The following VSTM4 variants were observed in gnomAD, a reference collection of about 807,000 sequenced individuals.
The protein encoded by VSTM4 is V-set and transmembrane domain-containing protein 4.
Under a neutral mutation model 36.4 loss-of-function variants are expected in VSTM4, and 20 were observed. The ratio of observed to expected loss-of-function variants is 0.55; its 90% confidence interval spans 0.39 to 0.80. VSTM4 has a LOEUF of 0.80. VSTM4 is among the 30% of genes least tolerant of loss of function. The pLI is 0.00. For missense variants in VSTM4, 392 were observed against 404.5 expected (o/e 0.97, Z 0.26); for synonymous variants, 182 against 173.9 (o/e 1.05, Z -0.37).
chr10:49,025,180 T>C (rs1050166452), intron 7 of VSTM4, among the ~76,000 whole-genome samples: 20 of 152,002 alleles, frequency 1.3e-4, no homozygotes, highest in Non-Finnish European at 1.9e-4. Flanking sequence ...GAGAATAAAG[T>C]CTGTTGTTTT....
At chr10:49,028,810 A>T (rs1843301738) in intron 7 of VSTM4, among the ~76,000 whole-genome samples, 1 of 152,262 alleles carries the variant, frequency 6.6e-6, no homozygotes, top group African/African-American at 2.4e-5. Context: ...CAATTGGGTA[A>T]TACCATTATC....
intron 4 of VSTM4, among the ~76,000 whole-genome samples, chr10:49,074,789 C>A (rs893200711): frequency 6.6e-6 from 1 of 152,220 alleles, no homozygotes; most frequent in Non-Finnish European, 1.5e-5. Context: ...GCAAGGTCAG[C>A]CCCCGATAGC....
chr10:49,081,797 C>T (rs1035903714), intron 3 of VSTM4, among the ~76,000 whole-genome samples: 10 of 152,208 alleles, frequency 6.6e-5, no homozygotes, highest in South Asian at 2.1e-4. Context: ...CACACAAGAC[C>T]GGTCATGGCC....
chr10:49,073,018 CT>C, intron 4 of VSTM4, among the ~76,000 whole-genome samples: 1 of 152,318 alleles, frequency 6.6e-6, no homozygotes, highest in South Asian at 2.1e-4. Flanking sequence ...GGCAACTATT[CT>C]TAGTTATACC....
chr10:49,077,858 T>A (rs1412408998), intron 3 of VSTM4, among the ~76,000 whole-genome samples: 1 of 152,052 alleles, frequency 6.6e-6, no homozygotes, highest in African/African-American at 2.4e-5. Flanking sequence ...TAAACAAACA[T>A]ATAAAGAGGA....
chr10:49,036,169 C>G (rs1417153139), intron 7 of VSTM4, among the ~76,000 whole-genome samples: 1 of 152,162 alleles, frequency 6.6e-6, no homozygotes, highest in Non-Finnish European at 1.5e-5. Flanking sequence ...CTGGAGGAAG[C>G]CATGAAAGCA....
chr10:49,040,530 C>G (rs1202010878), intron 7 of VSTM4, among the ~76,000 whole-genome samples: 1 of 152,182 alleles, frequency 6.6e-6, no homozygotes, highest in East Asian at 1.9e-4. Flanking sequence ...AGGTGATCAG[C>G]CTGCCTCGGC....
At position 49,042,918 on chromosome 10, in the gene VSTM4, G is replaced by C. The variant is rs114130707; in HGVS notation, c.837+4065C>G. Among the ~76,000 whole-genome samples, 862 of 152,298 alleles carry C rather than the reference G, an allele frequency of 5.7e-3. 8 individuals carry two copies. The highest frequency in any genetic ancestry group is 0.02 in the African/African-American group (819 of 41,570). The stretch of plus-strand genomic sequence containing the variant: ...CATGATGTTTGATCAGAGACCACAG[G>C]GGGTGAGTAATAAGCCATGGACAGA... On this transcript the variant is annotated intron_variant, in intron 7 of 7. Coordinates refer to ENST00000332853, the MANE Select transcript of VSTM4 (RefSeq NM_001031746.5).
intron 7 of VSTM4, among the ~76,000 whole-genome samples, chr10:49,032,922 A>T (rs1054911368): frequency 1.3e-5 from 2 of 148,692 alleles, no homozygotes; most frequent in Non-Finnish European, 3.0e-5. Context: ...GGTATGAGAA[A>T]GTGGTCACTC....
intron 5 of VSTM4, among the ~76,000 whole-genome samples, chr10:49,063,239 C>T (rs1843913825): frequency 6.6e-6 from 1 of 152,012 alleles, no homozygotes; most frequent in Non-Finnish European, 1.5e-5. Flanking sequence ...ACTTGAGAGG[C>T]TGAGGCAGGA....
At chr10:49,031,461 A>G (rs1324547295) in intron 7 of VSTM4, among the ~76,000 whole-genome samples, 1 of 152,216 alleles carries the variant, frequency 6.6e-6, no homozygotes, top group African/African-American at 2.4e-5. Flanking sequence ...TATTGCTACT[A>G]TTTACATTAT....
chr10:49,085,099 CTTG>C (rs1250397058), intron 3 of VSTM4, among the ~76,000 whole-genome samples: 1 of 152,256 alleles, frequency 6.6e-6, no homozygotes, highest in Non-Finnish European at 1.5e-5. Flanking sequence ...GCCTGGATGT[CTTG>C]TTAAACCCCG....
intron 2 of VSTM4, among the ~76,000 whole-genome samples, chr10:49,106,833 C>T (rs576978542): frequency 6.6e-6 from 1 of 152,366 alleles, no homozygotes; most frequent in South Asian, 2.1e-4. Flanking sequence ...GGCCTAAAGA[C>T]TCCAACAAAC....
At chr10:49,103,755 A>C (rs1311318563) in intron 2 of VSTM4, 1 of 1,613,976 alleles carries the variant, frequency 6.2e-7, no homozygotes, top group South Asian at 1.1e-5. Flanking sequence ...AGAACTCTGC[A>C]GGAAGGAGGC....
At chr10:49,082,473 T>G (rs68065270) in intron 3 of VSTM4, among the ~76,000 whole-genome samples, 41,602 of 151,926 alleles carry the variant, frequency 0.27, 5,836 homozygotes, top group Admixed American at 0.35. Flanking sequence ...AAACCAGCCT[T>G]GTCAACATGG....
Position 49,062,157 on chromosome 10 carries a change from G to A in VSTM4, c.668+2546C>T, listed in dbSNP as rs1480173563. ...ATTTTGCCTCACTCACTTTTAAACA[G>A]TGTTGTCTTGAGCATCAGACAATTC... On this transcript the variant is annotated intron_variant, in intron 5 of 7. Transcript: ENST00000332853. Among the ~76,000 whole-genome samples the A allele has an allele frequency of 3.9e-5, 6 of 152,288 alleles. No homozygotes were observed. The East Asian group carries it at 7.7e-4, about 20-fold the overall frequency.
rs906181345 is a variant in VSTM4 at position 49,017,252 on chromosome 10, A to T, written c.*2398T>A. ...ATATATCCTCTCAAACAAGCACCTG[A>T]TACAAGTCATCCATTGCTTCCAGTT... On this transcript the variant is annotated 3_prime_UTR_variant, in exon 8 of 8. Transcript: ENST00000332853. 6.6e-6 allele frequency: 1 copy of T among 152,226 alleles called. No individual in the cohort carries two copies. Among genetic ancestry groups the T allele is most frequent in the African/African-American group, 2.4e-5 (1 of 41,456 alleles). The allele number at this position is 152,226 out of a possible 1,614,324, so 9.4% of individuals were successfully genotyped here. A position where few individuals can be genotyped will look rare whatever the true frequency, so the allele number is the denominator to read the frequency against.
At chr10:49,044,391 G>C (rs1289148502) in intron 7 of VSTM4, among the ~76,000 whole-genome samples, 1 of 135,236 alleles carries the variant, frequency 7.4e-6, no homozygotes, top group African/African-American at 2.8e-5. Flanking sequence ...AGGAAGGAGA[G>C]AGAGAGAAAG....
At chr10:49,084,024 C>G (rs1019318367) in intron 3 of VSTM4, among the ~76,000 whole-genome samples, 2 of 152,202 alleles carry the variant, frequency 1.3e-5, no homozygotes, top group African/African-American at 4.8e-5. Flanking sequence ...CACAGCCAGG[C>G]CCTCTCCATA....
Sources: allele counts gnomAD v4.1 joint callset (sites outside exome capture counted in the v4.1 genomes callset), GRCh38; gene constraint gnomAD v4.1.1; transcripts MANE v1.5; gene names NCBI Gene and HGNC (gene_info 2026-07-23, HGNC 2026-07-21).